The following PROCR variants were observed in gnomAD, a reference collection of about 807,000 sequenced individuals.
The protein encoded by PROCR is protein C receptor.
A neutral mutation model predicts 24.2 loss-of-function variants in PROCR; 22 were observed. That is an observed-to-expected ratio of 0.91 (90% CI 0.65 to 1.30). PROCR has a LOEUF of 1.30. Among genes scored for constraint, PROCR ranks in the 50% most tolerant of loss-of-function variants. The pLI, the probability that PROCR is intolerant of heterozygous loss-of-function variation, is 0.00. For missense variants in PROCR, 288 were observed against 307.7 expected (o/e 0.94, Z 0.48); for synonymous variants, 137 against 139.2 (o/e 0.98, Z 0.11).
At chr20:35,197,966 T>A (rs1252876191) in intron 1 of PROCR, among the ~76,000 whole-genome samples, 3 of 150,532 alleles carry the variant, frequency 2.0e-5, no homozygotes, top group East Asian at 3.9e-4. Context: ...GTTAGCCGAG[T>A]TGTAAATGCA....
chr20:35,186,117 G>T (rs141009782), intron 1 of PROCR, among the ~76,000 whole-genome samples: 160 of 152,278 alleles, frequency 1.1e-3, no homozygotes, highest in African/African-American at 3.4e-3. Context: ...GTACATGAAT[G>T]TTCACAGAAG....
intron 1 of PROCR, among the ~76,000 whole-genome samples, chr20:35,215,714 C>T (rs1292915429): frequency 6.6e-6 from 1 of 152,048 alleles, no homozygotes; most frequent in Non-Finnish European, 1.5e-5. Flanking sequence ...CTCACCCTTT[C>T]CTTAGAATCC....
At chr20:35,185,119 A>C (rs1189415118) in intron 1 of PROCR, among the ~76,000 whole-genome samples, 1 of 152,178 alleles carries the variant, frequency 6.6e-6, no homozygotes, top group Non-Finnish European at 1.5e-5. Context: ...ACAAATAGCC[A>C]ACAAACATGA....
At chr20:35,185,027 A>C (rs2086111164) in intron 1 of PROCR, among the ~76,000 whole-genome samples, 1 of 93,774 alleles carries the variant, frequency 1.1e-5, no homozygotes, top group Non-Finnish European at 2.1e-5. Flanking sequence ...CGAATCAGTA[A>C]GACAAAAAAA....
intron 1 of PROCR, among the ~76,000 whole-genome samples, chr20:35,191,890 T>C (rs980626124): frequency 6.6e-6 from 1 of 152,184 alleles, no homozygotes; most frequent in African/African-American, 2.4e-5. Context: ...AGCATCACTA[T>C]GGCTACCATG....
chr20:35,209,143 G>A (rs571085228), intron 1 of PROCR, among the ~76,000 whole-genome samples: 1 of 152,194 alleles, frequency 6.6e-6, no homozygotes, highest in East Asian at 1.9e-4. Context: ...GCTATATGAG[G>A]GTATAGAATA....
At chr20:35,187,316 C>A (rs372741149) in intron 1 of PROCR, among the ~76,000 whole-genome samples, 1 of 152,284 alleles carries the variant, frequency 6.6e-6, no homozygotes, top group East Asian at 1.9e-4. Context: ...CCTACCTGGG[C>A]CTGCCAAAGT....
chr20:35,179,365 G>T (rs893822535), downstream of PROCR, among the ~76,000 whole-genome samples: 10 of 151,294 alleles, frequency 6.6e-5, no homozygotes, highest in Admixed American at 6.6e-4. Context: ...AACATAGTGA[G>T]ACCCTGTCTC....
At chr20:35,182,973 CAAAAAAAAAA>C (rs71333786) in intron 1 of PROCR, among the ~76,000 whole-genome samples, 3,509 of 110,606 alleles carry the variant, frequency 0.032, 140 homozygotes, top group African/African-American at 0.099. Flanking sequence ...GACTCCGTCT[CAAAAAAAAAA>C]AAAAAAAAAA....
chr20:35,200,449 C>T (rs1020182428), intron 1 of PROCR, among the ~76,000 whole-genome samples: 8 of 152,156 alleles, frequency 5.3e-5, no homozygotes, highest in African/African-American at 1.9e-4. Flanking sequence ...CAAGAACCTC[C>T]ACCAGAGAAA....
chr20:35,202,567 T>C (rs1293862668), intron 1 of PROCR: 1 of 152,098 alleles, frequency 6.6e-6, no homozygotes, highest in Non-Finnish European at 1.5e-5. Context: ...TCAAATGTCT[T>C]ATGGTTTAAG....
chr20:35,180,067 G>A (rs566171580), downstream of PROCR, among the ~76,000 whole-genome samples: 16 of 152,180 alleles, frequency 1.1e-4, 1 homozygote, highest in East Asian at 2.9e-3. Context: ...CCAACATGGC[G>A]AAACCCTGTC....
intron 1 of PROCR, chr20:35,174,481 G>A (rs921062099): frequency 3.3e-6 from 2 of 613,616 alleles, no homozygotes; most frequent in Admixed American, 2.7e-5. Flanking sequence ...TCCACTGCAG[G>A]CCTCAGTTTC....
chr20:35,210,991 G>A lies in PROCR; in HGVS notation c.95-4902G>A, dbSNP rs1227377325. Among the ~76,000 whole-genome samples, 8 of 152,144 alleles carry A rather than the reference G, an allele frequency of 5.3e-5. 1 individual carries two copies. The highest frequency in any genetic ancestry group is 5.2e-4 in the Admixed American group (8 of 15,278). On this transcript the variant is annotated intron_variant, in intron 1 of 1. Coordinates refer to the PROCR transcript ENST00000634509. ...GCCTCCCAAAGTGCTGGGATTACAG[G>A]CGTGAGCCACCATGCCTGGCCTTTC...
At chr20:35,210,534 G>A (rs147424940) in intron 1 of PROCR, among the ~76,000 whole-genome samples, 2,883 of 152,106 alleles carry the variant, frequency 0.019, 81 homozygotes, top group African/African-American at 0.066. Context: ...GCAACAGAGC[G>A]AGACCCTGTC....
At chr20:35,175,577 C>CTTTTTTTT (rs1284592742) in intron 2 of PROCR, among the ~76,000 whole-genome samples, 20 of 51,278 alleles carry the variant, frequency 3.9e-4, no homozygotes, top group African/African-American at 1.4e-3. Context: ...ACCCCACCCC[C>CTTTTTTTT]CTTTTTTTTT....
chr20:35,209,400 A>G (rs950307876), intron 1 of PROCR, among the ~76,000 whole-genome samples: 8 of 152,186 alleles, frequency 5.3e-5, no homozygotes, highest in Non-Finnish European at 1.2e-4. Context: ...ATCCCACGAG[A>G]CATTAAGGTA....
chr20:35,205,752 A>AATATATATATATATATATATATATAT (rs200029202), intron 1 of PROCR, among the ~76,000 whole-genome samples: 1 of 102,674 alleles, frequency 9.7e-6, no homozygotes, highest in Non-Finnish European at 1.8e-5. Context: ...ACTCTGTCTA[A>AATATATATATATATATATATATATAT]ATATATATAT....
At chr20:35,208,374 G>A (rs2060349699) in intron 1 of PROCR, among the ~76,000 whole-genome samples, 1 of 152,146 alleles carries the variant, frequency 6.6e-6, no homozygotes, top group Admixed American at 6.5e-5. Flanking sequence ...TATCTTAACT[G>A]ACTCTAATCA....
Sources: allele counts gnomAD v4.1 joint callset (sites outside exome capture counted in the v4.1 genomes callset), GRCh38; gene constraint gnomAD v4.1.1; transcripts MANE v1.5; gene names NCBI Gene and HGNC (gene_info 2026-07-23, HGNC 2026-07-21).